The following OR3A2 variants were observed in gnomAD, a reference collection of about 807,000 sequenced individuals.
OR3A2 encodes olfactory receptor 3A2.
For synonymous variants in OR3A2, 126 were observed against 159.3 expected (o/e 0.79, Z 1.57); for missense variants, 318 against 392.8 (o/e 0.81, Z 1.61).
In OR3A2 at chr17:3,372,847, AGGAGAGGGAGAG is replaced by A. The variant is rs762420106; in HGVS notation, c.-179+10945_-179+10956del. 6.6e-3 allele frequency among the ~76,000 whole-genome samples: 426 copies of A among 65,030 alleles called. 3 individuals are homozygous for A. Among genetic ancestry groups the A allele is most frequent in the African/African-American group, 0.018 (320 of 17,584 alleles). 42.7% of individuals were successfully genotyped at this position (65,030 alleles called of 152,430 possible). ...GAGAGGGAGAGGGAGGAGAAGGAGA[AGGAGAGGGAGAG>A]GGAGAGGGAGAGGGAGAGGGAGAGG... On this transcript the variant is annotated intron_variant, in intron 2 of 4. Coordinates refer to the OR3A2 transcript ENST00000573491.
chr17:3,291,787 C>A (rs2048870616), intron 3 of OR3A2: 1 of 1,613,526 alleles, frequency 6.2e-7, no homozygotes, highest in Non-Finnish European at 8.5e-7. Context: ...TTGGTTGAAC[C>A]CAGTCGCATA....
upstream of OR3A2, among the ~76,000 whole-genome samples, chr17:3,288,532 T>C (rs9891715): frequency 0.2 from 30,469 of 152,130 alleles, 3,762 homozygotes; most frequent in African/African-American, 0.33. Context: ...GTATCCCCGT[T>C]GTAGAGTGAC....
intron 3 of OR3A2, among the ~76,000 whole-genome samples, chr17:3,321,678 A>T (rs1207557421): frequency 1.3e-5 from 2 of 152,226 alleles, no homozygotes; most frequent in Non-Finnish European, 2.9e-5. Context: ...ATGCTGGATT[A>T]CATTTATTGA....
At chr17:3,324,177 C>T (rs1194915750) in intron 3 of OR3A2, among the ~76,000 whole-genome samples, 3 of 152,086 alleles carry the variant, frequency 2.0e-5, no homozygotes, top group East Asian at 1.9e-4. Context: ...GCATTCGTCA[C>T]GTAGTTCTCG....
intron 3 of OR3A2, among the ~76,000 whole-genome samples, chr17:3,301,906 G>A (rs1292793720): frequency 1.3e-5 from 2 of 152,050 alleles, no homozygotes; most frequent in East Asian, 1.9e-4. Context: ...AAAATCACAA[G>A]CATTCCTATA....
At chr17:3,288,244 GGCAA>G (rs1260276875), upstream of OR3A2, among the ~76,000 whole-genome samples, 16 of 52,538 alleles carry the variant, frequency 3.0e-4, no homozygotes, top group African/African-American at 1.5e-3. Flanking sequence ...TCACCAAAAG[GGCAA>G]AAAAAAAAAA....
intron 2 of OR3A2, among the ~76,000 whole-genome samples, chr17:3,353,664 TA>T (rs1328400025): frequency 6.6e-6 from 1 of 151,884 alleles, no homozygotes; most frequent in Non-Finnish European, 1.5e-5. Context: ...CATTGATTTT[TA>T]AATTTTATTA....
intron 2 of OR3A2, among the ~76,000 whole-genome samples, chr17:3,378,484 G>A (rs1448764053): frequency 5.9e-5 from 9 of 152,188 alleles, no homozygotes; most frequent in Non-Finnish European, 1.3e-4. Flanking sequence ...ACCCCTAAGA[G>A]TGCAGGGATG....
At chr17:3,332,411 T>C (rs1185493278) in intron 3 of OR3A2, among the ~76,000 whole-genome samples, 2 of 152,234 alleles carry the variant, frequency 1.3e-5, no homozygotes, top group Non-Finnish European at 2.9e-5. Flanking sequence ...TATAATCTCA[T>C]GGTGTGCTGC....
At position 3,359,754 on chromosome 17, in the gene OR3A2, C is replaced by T. The variant is rs182302037; in HGVS notation, c.-178-23628G>A. Among the ~76,000 whole-genome samples the T allele has an allele frequency of 7.9e-3, 1,193 of 151,748 alleles. 15 individuals carry two copies. The highest frequency in any genetic ancestry group is 0.017 in the Middle Eastern group (5 of 294). Reference sequence around the variant, plus strand: ...GTCCCTACAAAGGACATGAACTCATCCTTTTTTATGGCTGCATAGTATTCC... The same window carrying T: ...GTCCCTACAAAGGACATGAACTCATTCTTTTTTATGGCTGCATAGTATTCC... On this transcript the variant is annotated intron_variant, in intron 2 of 4. Coordinates refer to the OR3A2 transcript ENST00000573491.
intron 2 of OR3A2, among the ~76,000 whole-genome samples, chr17:3,369,391 T>C (rs1020094012): frequency 1.3e-5 from 2 of 152,220 alleles, no homozygotes; most frequent in Non-Finnish European, 2.9e-5. Flanking sequence ...ATGGCTTTTA[T>C]TACCTTAAGC....
chr17:3,364,378 T>A (rs1356927458), intron 2 of OR3A2, among the ~76,000 whole-genome samples: 1 of 152,212 alleles, frequency 6.6e-6, no homozygotes, highest in Non-Finnish European at 1.5e-5. Flanking sequence ...CTTTTAGCTA[T>A]TTTGAAACAT....
At chr17:3,327,878 GT>G (rs1467942132) in intron 3 of OR3A2, among the ~76,000 whole-genome samples, 10 of 133,462 alleles carry the variant, frequency 7.5e-5, no homozygotes, top group African/African-American at 3.1e-4. Flanking sequence ...GACATGCGGT[GT>G]TATTTCTGAG....
In OR3A2 at chr17:3,311,777, G is replaced by A; in HGVS notation, c.-85+24256C>T. 4.5e-6 allele frequency: 1 copy of A among 224,120 alleles called. No individual in the cohort carries two copies. 13.9% of individuals were successfully genotyped at this position (224,120 alleles called of 1,614,324 possible). ...GGAACTGGCTTCTTCAGTTACATGT[G>A]TCTGGGCTCAGTCTCAGCCTCAGAC... On this transcript the variant is annotated intron_variant, in intron 3 of 4. Transcript: ENST00000573491. This position sits in a 1 kb window ranked among gnomAD's most constrained non-coding sequence, Gnocchi z 4.6.
At chr17:3,366,985 G>A (rs140195735) in intron 2 of OR3A2, among the ~76,000 whole-genome samples, 45 of 152,284 alleles carry the variant, frequency 3.0e-4, no homozygotes, top group African/African-American at 8.7e-4. Flanking sequence ...CCTTGAGACT[G>A]GTGTAGGCTA....
intron 1 of OR3A2, chr17:3,279,103 C>T (rs1038974034): frequency 4.4e-6 from 4 of 918,792 alleles, no homozygotes; most frequent in African/African-American, 1.7e-5. Context: ...TGCCCAATGA[C>T]ACCACCACCT....
chr17:3,302,844 A>G (rs577235634), intron 3 of OR3A2, among the ~76,000 whole-genome samples: 23 of 152,304 alleles, frequency 1.5e-4, no homozygotes, highest in African/African-American at 5.5e-4. Flanking sequence ...TGTCATGCTC[A>G]TTCTGGGAAG....
At chr17:3,280,726 A>G (rs1025194115) in intron 1 of OR3A2, among the ~76,000 whole-genome samples, 3 of 152,326 alleles carry the variant, frequency 2.0e-5, no homozygotes, top group Non-Finnish European at 1.5e-5. Context: ...GGAGGGGAAC[A>G]GTGATGATTG....
In OR3A2 at chr17:3,326,383, G is replaced by C. The variant is rs141106551; in HGVS notation, c.-85+9650C>G. Among the ~76,000 whole-genome samples, 31 of 152,166 alleles carry C rather than the reference G, an allele frequency of 2.0e-4. 2 individuals carry two copies. Among genetic ancestry groups the C allele is most frequent in the Middle Eastern group, 3.4e-3 (1 of 294 alleles). ...AAGAAAATCTAGGCAATACCATTCAGAACATAGGCATCGGCAAAGATTGTT... is the reference window on the plus strand; with the variant it reads ...AAGAAAATCTAGGCAATACCATTCACAACATAGGCATCGGCAAAGATTGTT... On this transcript the variant is annotated intron_variant, in intron 3 of 4. Coordinates refer to the OR3A2 transcript ENST00000573491.
Sources: allele counts gnomAD v4.1 joint callset (sites outside exome capture counted in the v4.1 genomes callset), GRCh38; gene constraint gnomAD v4.1.1; non-coding constraint Gnocchi (gnomAD v3.1); transcripts MANE v1.5; gene names NCBI Gene and HGNC (gene_info 2026-07-23, HGNC 2026-07-21).